Variants in SPIDR observed in about 807,000 individuals in gnomAD.
SPIDR encodes the protein DNA repair-scaffolding protein.
SPIDR carries 93 observed loss-of-function variants against 104.6 expected under a neutral mutation model. The observed-to-expected ratio is 0.89, with a 90% CI of 0.75 to 1.06. SPIDR has a LOEUF of 1.06. Among genes scored for constraint, SPIDR ranks in the 50% least tolerant of loss-of-function variants. The pLI is 0.00. For missense variants in SPIDR, 1,154 were observed against 1,111.2 expected (o/e 1.04, Z -0.55); for synonymous variants, 431 against 416.9 (o/e 1.03, Z -0.41).
In SPIDR at chr8:47,735,287, C is replaced by T. The variant is rs1257709160; in HGVS notation, c.2605-20C>T. On this transcript the variant is annotated intron_variant, in intron 19 of 19. Transcript: ENST00000297423. ...GTCCCAGGCTGTTTGCTTTAACCAG[C>T]GTGCCTTTTATCACTGCAGAGCTAC... 6.2e-7 allele frequency: 1 copy of T among 1,612,262 alleles called. No homozygotes were observed. The highest frequency in any genetic ancestry group is 2.2e-5 in the East Asian group (1 of 44,798).
intron 5 of SPIDR, among the ~76,000 whole-genome samples, chr8:47,369,882 A>G (rs547938115): frequency 3.9e-5 from 6 of 152,214 alleles, no homozygotes; most frequent in East Asian, 3.9e-4. Flanking sequence ...TTAATTTCCA[A>G]TGGTGACTTT....
At chr8:47,359,673 T>C (rs1483329262) in intron 5 of SPIDR, among the ~76,000 whole-genome samples, 1 of 152,194 alleles carries the variant, frequency 6.6e-6, no homozygotes, top group Non-Finnish European at 1.5e-5. Context: ...GTGATTATTC[T>C]ATAGCGGGTA....
chr8:47,496,029 T>C (rs1399391804), intron 8 of SPIDR, among the ~76,000 whole-genome samples: 1 of 152,218 alleles, frequency 6.6e-6, no homozygotes, highest in Non-Finnish European at 1.5e-5. Flanking sequence ...ATAAATACAA[T>C]TAATTTTTGT....
chr8:47,493,879 TAA>T (rs562254778), intron 8 of SPIDR, among the ~76,000 whole-genome samples: 4 of 152,174 alleles, frequency 2.6e-5, no homozygotes, highest in Non-Finnish European at 5.9e-5. Context: ...CATCCCAAGT[TAA>T]CACAAAGCTT....
chr8:47,458,216 C>T (rs1554710955), intron 8 of SPIDR, among the ~76,000 whole-genome samples: 4 of 152,114 alleles, frequency 2.6e-5, no homozygotes, highest in Non-Finnish European at 2.9e-5. Flanking sequence ...CATCCATGAG[C>T]ATGGGATGTG....
chr8:47,526,127 G>A (rs1350026967), intron 8 of SPIDR, among the ~76,000 whole-genome samples: 1 of 152,222 alleles, frequency 6.6e-6, no homozygotes, highest in Non-Finnish European at 1.5e-5. Flanking sequence ...AAGGAAAGAT[G>A]TTCTGTTGTG....
intron 7 of SPIDR, among the ~76,000 whole-genome samples, chr8:47,429,928 G>A (rs914096246): frequency 6.6e-5 from 10 of 151,890 alleles, no homozygotes; most frequent in African/African-American, 1.2e-4. Flanking sequence ...CCATTAACTC[G>A]TCATTTAGCA....
At chr8:47,447,813 A>G (rs898537674) in intron 8 of SPIDR, among the ~76,000 whole-genome samples, 2 of 152,204 alleles carry the variant, frequency 1.3e-5, no homozygotes, top group Admixed American at 1.3e-4. Flanking sequence ...GTCAGTAGCA[A>G]TCACCATCAA....
chr8:47,654,348 A>T lies in SPIDR; in HGVS notation c.1545-19453A>T, dbSNP rs566723467. On this transcript the variant is annotated intron_variant, in intron 10 of 19. Coordinates refer to ENST00000297423, the MANE Select transcript of SPIDR (RefSeq NM_001080394.4). ...TGAGGAGGAGAATATTAAAAAGGTG[A>T]TGCGGAGGGAAAATAGACAGGTTAC... 2.0e-5 allele frequency among the ~76,000 whole-genome samples: 3 copies of T among 152,332 alleles called. 1 individual carries two copies. Among genetic ancestry groups the T allele is most frequent in the African/African-American group, 7.2e-5 (3 of 41,578 alleles).
intron 8 of SPIDR, among the ~76,000 whole-genome samples, chr8:47,464,864 G>T (rs1554716039): frequency 6.6e-6 from 1 of 152,074 alleles, no homozygotes; most frequent in Non-Finnish European, 1.5e-5. Flanking sequence ...AGCCTCCCGG[G>T]TTCAAGTGAT....
At chr8:47,344,589 T>A (rs1371705606) in intron 5 of SPIDR, among the ~76,000 whole-genome samples, 2 of 152,210 alleles carry the variant, frequency 1.3e-5, no homozygotes, top group Non-Finnish European at 2.9e-5. Flanking sequence ...TCACCAACGG[T>A]GTAAAAGCAT....
At chr8:47,410,990 C>G (rs983258785) in intron 7 of SPIDR, among the ~76,000 whole-genome samples, 1 of 152,180 alleles carries the variant, frequency 6.6e-6, no homozygotes, top group Non-Finnish European at 1.5e-5. Flanking sequence ...GACATGAACT[C>G]ATCCTTTTTT....
intron 8 of SPIDR, among the ~76,000 whole-genome samples, chr8:47,551,201 T>A (rs1470628306): frequency 6.6e-6 from 1 of 152,214 alleles, no homozygotes; most frequent in Non-Finnish European, 1.5e-5. Context: ...TTCACATGGA[T>A]GTTCATCAGG....
At chr8:47,473,535 T>C (rs80323023) in intron 8 of SPIDR, among the ~76,000 whole-genome samples, 1,636 of 152,314 alleles carry the variant, frequency 0.011, 34 homozygotes, top group East Asian at 0.089. Context: ...CTTTCCTTTG[T>C]ACCTTCACTG....
intron 5 of SPIDR, among the ~76,000 whole-genome samples, chr8:47,373,483 AT>A (rs1253900322): frequency 6.6e-6 from 1 of 150,624 alleles, no homozygotes; most frequent in Admixed American, 6.6e-5. Flanking sequence ...TTTAGGTGGG[AT>A]TTTTTTTCTT....
chr8:47,607,762 AT>A (rs1199822062), intron 10 of SPIDR, among the ~76,000 whole-genome samples: 1 of 151,788 alleles, frequency 6.6e-6, no homozygotes, highest in Non-Finnish European at 1.5e-5. Flanking sequence ...GACCCTTTAT[AT>A]TCTTTGCCAT....
chr8:47,352,634 G>A (rs1445577584), intron 5 of SPIDR, among the ~76,000 whole-genome samples: 8 of 152,140 alleles, frequency 5.3e-5, no homozygotes, highest in African/African-American at 1.9e-4. Flanking sequence ...AGAGTATGAG[G>A]TGGTTGTGAA....
intron 8 of SPIDR, among the ~76,000 whole-genome samples, chr8:47,469,298 A>G (rs997690972): frequency 2.0e-5 from 3 of 152,198 alleles, no homozygotes; most frequent in Non-Finnish European, 4.4e-5. Context: ...TTCCTGTGGA[A>G]AACAGCATTG....
chr8:47,319,968 A>G lies in SPIDR; in HGVS notation c.525+25938A>G, dbSNP rs571693927. On this transcript the variant is annotated intron_variant, in intron 5 of 19. Transcript: ENST00000297423. ...AAGCAGTGTGTAGAGGGAAATTTAT[A>G]GCACTAAATGCCCACAAGAGAAAGC... is the stretch of plus-strand genomic sequence containing the variant. 3.8e-4 allele frequency among the ~76,000 whole-genome samples: 58 copies of G among 152,078 alleles called. 3 individuals are homozygous for G. In the South Asian group the frequency reaches 0.012, roughly 32 times the overall value.
Sources: allele counts gnomAD v4.1 joint callset (sites outside exome capture counted in the v4.1 genomes callset), GRCh38; gene constraint gnomAD v4.1.1; transcripts MANE v1.5; gene names NCBI Gene and HGNC (gene_info 2026-07-23, HGNC 2026-07-21).